ADGRV1: variants seen among roughly 807,000 people sequenced by gnomAD.
ADGRV1 encodes adhesion G protein-coupled receptor V1, also known as G-protein coupled receptor 98.
A neutral mutation model predicts 596.2 loss-of-function variants in ADGRV1; 359 were observed. That is an observed-to-expected ratio of 0.60 (90% CI 0.55 to 0.66). The LOEUF (loss-of-function observed/expected upper bound fraction) is 0.66. Ranked by LOEUF, ADGRV1 falls within the 30% of genes least tolerant of loss-of-function variation. The pLI, the probability that ADGRV1 is intolerant of heterozygous loss-of-function variation, is 0.00. For synonymous variants in ADGRV1, 2,681 were observed against 2,679.2 expected, an observed-to-expected ratio of 1.00 and a Z score of -0.02; for missense variants, 7,274 against 7,575.6, an observed-to-expected ratio of 0.96 and a Z score of 1.48.
chr5:91,003,044 C>T lies in ADGRV1; in HGVS notation c.18152+17522C>T, dbSNP rs373269190. On this transcript the variant is annotated intron_variant, in intron 85 of 89. Coordinates refer to ENST00000405460, the MANE Select transcript of ADGRV1 (RefSeq NM_032119.4). ...CTCTGTACCTGTGTAATAGATCTTT[C>T]CTTACCTCCCAGGGTACCACACTCT... Among the ~76,000 whole-genome samples, 9 of 152,216 alleles carry T rather than the reference C, an allele frequency of 5.9e-5. No homozygotes were observed. The East Asian group carries it at 7.7e-4, about 13-fold the overall frequency.
At chr5:91,041,854 G>C (rs1785389955) in intron 85 of ADGRV1, among the ~76,000 whole-genome samples, 1 of 152,022 alleles carries the variant, frequency 6.6e-6, no homozygotes, top group African/African-American at 2.4e-5. Flanking sequence ...TTTTCATGAT[G>C]CTTTAAGAAC....
intron 83 of ADGRV1, among the ~76,000 whole-genome samples, chr5:90,882,868 C>T (rs1019638069): frequency 4.0e-5 from 6 of 151,814 alleles, no homozygotes; most frequent in Admixed American, 2.6e-4. Context: ...TTCAAAATTT[C>T]AAAATTATAG....
At chr5:91,029,193 T>G (rs905524045) in intron 85 of ADGRV1, among the ~76,000 whole-genome samples, 2 of 152,184 alleles carry the variant, frequency 1.3e-5, no homozygotes, top group Non-Finnish European at 2.9e-5. Flanking sequence ...AATTAATTGA[T>G]GGAGCGAGAC....
chr5:90,988,616 C>G (rs1780692801), intron 85 of ADGRV1, among the ~76,000 whole-genome samples: 1 of 151,668 alleles, frequency 6.6e-6, no homozygotes, highest in Admixed American at 6.6e-5. Flanking sequence ...TTATAAATAT[C>G]TTTACCAGAG....
At chr5:91,101,080 G>A (rs1321679686) in intron 86 of ADGRV1, among the ~76,000 whole-genome samples, 2 of 152,142 alleles carry the variant, frequency 1.3e-5, no homozygotes, top group African/African-American at 4.8e-5. Context: ...GAGAATGATA[G>A]TACTATATCA....
At chr5:90,874,740 C>T (rs1581390948) in intron 83 of ADGRV1, among the ~76,000 whole-genome samples, 1 of 151,976 alleles carries the variant, frequency 6.6e-6, no homozygotes, top group South Asian at 2.1e-4. Context: ...CACCTGTAGT[C>T]TCAGCTTCTC....
chr5:90,957,516 G>T (rs1406724136), intron 83 of ADGRV1, among the ~76,000 whole-genome samples: 1 of 148,640 alleles, frequency 6.7e-6, no homozygotes, highest in Non-Finnish European at 1.5e-5. Flanking sequence ...AAATTCTGTA[G>T]TGAGGGCTAA....
chr5:90,885,556 T>C (rs1770201127), intron 83 of ADGRV1, among the ~76,000 whole-genome samples: 2 of 152,156 alleles, frequency 1.3e-5, no homozygotes, highest in South Asian at 4.1e-4. Context: ...ATAGTAAGTT[T>C]ATGGATCAAA....
At chr5:90,933,626 T>G (rs1048388806) in intron 83 of ADGRV1, among the ~76,000 whole-genome samples, 6 of 152,166 alleles carry the variant, frequency 3.9e-5, no homozygotes, top group African/African-American at 1.2e-4. Flanking sequence ...TGAGACTAAC[T>G]TTTCAGAGAA....
rs1328701758 is a variant in ADGRV1, at chr5:90,750,799, A to G, written c.11121+102A>G. ...ATGGATGAAGTGTTTGAGTTTGACC[A>G]TATCAACACTGAATTCCTACTAATC... On this transcript the variant is annotated intron_variant, in intron 53 of 89. Transcript: ENST00000405460. 1.0e-5 allele frequency: 8 copies of G among 788,390 alleles called. No individual in the cohort carries two copies. The East Asian group carries it at 1.5e-4, about 15-fold the overall frequency. 48.8% of individuals were successfully genotyped at this position (788,390 alleles called of 1,614,324 possible).
At chr5:91,007,581 C>G (rs1477728644) in intron 85 of ADGRV1, among the ~76,000 whole-genome samples, 1 of 152,118 alleles carries the variant, frequency 6.6e-6, no homozygotes, top group Non-Finnish European at 1.5e-5. Context: ...TGATTTTTCT[C>G]TCATAGCTTT....
At chr5:90,665,922 T>C (rs1771277748) in intron 21 of ADGRV1, among the ~76,000 whole-genome samples, 1 of 149,088 alleles carries the variant, frequency 6.7e-6, no homozygotes, top group Non-Finnish European at 1.5e-5. Flanking sequence ...AGTTGAGCGG[T>C]TTTGAGTGAG....
chr5:90,580,683 C>T (rs964562936), intron 1 of ADGRV1, among the ~76,000 whole-genome samples: 1 of 152,140 alleles, frequency 6.6e-6, no homozygotes, highest in Non-Finnish European at 1.5e-5. Flanking sequence ...TTGTGGGTAA[C>T]CCAACCTTTC....
chr5:90,976,048 C>CT (rs1779545612), intron 84 of ADGRV1, among the ~76,000 whole-genome samples: 1 of 151,614 alleles, frequency 6.6e-6, no homozygotes, highest in African/African-American at 2.4e-5. Context: ...AAAAGTACAT[C>CT]TTTTTCTCAC....
chr5:90,950,179 A>T (rs1776938855), intron 83 of ADGRV1, among the ~76,000 whole-genome samples: 1 of 152,200 alleles, frequency 6.6e-6, no homozygotes, highest in Admixed American at 6.5e-5. Context: ...TCTTATTCCC[A>T]CTTTAAGATA....
At chr5:90,782,402 G>A (rs982839897) in intron 65 of ADGRV1, among the ~76,000 whole-genome samples, 2 of 151,998 alleles carry the variant, frequency 1.3e-5, no homozygotes, top group African/African-American at 4.8e-5. Flanking sequence ...AATTTTTTCA[G>A]TTCATTGTTT....
At chr5:90,640,531 A>G (rs1766834098) in intron 11 of ADGRV1, among the ~76,000 whole-genome samples, 1 of 152,154 alleles carries the variant, frequency 6.6e-6, no homozygotes, top group Non-Finnish European at 1.5e-5. Flanking sequence ...CTTGGCAGGC[A>G]CAGGCGCCTT....
At chr5:90,874,646 G>A (rs926154766) in intron 83 of ADGRV1, among the ~76,000 whole-genome samples, 14 of 151,918 alleles carry the variant, frequency 9.2e-5, no homozygotes, top group Non-Finnish European at 1.8e-4. Flanking sequence ...CGGATCACGA[G>A]GTCAGGAGAT....
intron 86 of ADGRV1, among the ~76,000 whole-genome samples, chr5:91,085,538 A>G (rs1185509462): frequency 1.3e-5 from 2 of 152,048 alleles, no homozygotes; most frequent in Non-Finnish European, 2.9e-5. Context: ...ATCTCACACG[A>G]CTTTCCTTAT....
Sources: allele counts gnomAD v4.1 joint callset (sites outside exome capture counted in the v4.1 genomes callset), GRCh38; gene constraint gnomAD v4.1.1; transcripts MANE v1.5; gene names NCBI Gene and HGNC (gene_info 2026-07-23, HGNC 2026-07-21).